Variants in GK5 observed in about 807,000 individuals in gnomAD.
GK5 encodes the protein ATP:glycerol 3-phosphotransferase 5.
In GK5, 39 loss-of-function variants were observed where a neutral mutation model predicts 77.3. That is an observed-to-expected ratio of 0.50 (90% confidence interval 0.39 to 0.66). The LOEUF (loss-of-function observed/expected upper bound fraction) is 0.66, where lower values mean the gene tolerates loss of function less well. GK5 is among the 30% of genes least tolerant of loss of function. GK5 has a pLI of 0.00. For missense variants in GK5, 487 were observed against 633.8 expected, an observed-to-expected ratio of 0.77 and a Z score of 2.49; for synonymous variants, 211 against 208.0, an observed-to-expected ratio of 1.01 and a Z score of -0.13.
chr3:142,195,552 A>C (rs1307532092), intron 5 of GK5, among the ~76,000 whole-genome samples: 5 of 152,004 alleles, frequency 3.3e-5, no homozygotes, highest in Non-Finnish European at 7.4e-5. Flanking sequence ...GTGTCTTGCT[A>C]TATTGCCCAG....
intron 9 of GK5, 43 bp downstream of exon 9, chr3:142,185,886 A>G (rs1473401451): frequency 2.6e-6 from 4 of 1,559,348 alleles, no homozygotes; most frequent in Non-Finnish European, 3.5e-6. Flanking sequence ...ATATTACTTT[A>G]GTTTATACTA....
intron 3 of GK5, among the ~76,000 whole-genome samples, chr3:142,209,745 A>G (rs546719011): frequency 1.7e-4 from 26 of 152,324 alleles, no homozygotes; most frequent in South Asian, 1.2e-3. Context: ...GAGATTGTAA[A>G]TTAGGGCTGG....
At chr3:142,191,853 C>T (rs959095901) in intron 5 of GK5, among the ~76,000 whole-genome samples, 7 of 151,768 alleles carry the variant, frequency 4.6e-5, no homozygotes, top group Non-Finnish European at 7.4e-5. Context: ...AAACATTAGC[C>T]GGGCATGGTG....
chr3:142,173,721 T>A (rs2063571624), intron 12 of GK5, among the ~76,000 whole-genome samples: 1 of 141,336 alleles, frequency 7.1e-6, no homozygotes, highest in Admixed American at 7.0e-5. Context: ...ACAAAAAACA[T>A]GAAAAACAAA....
intron 14 of GK5, 77 bp from the exon 15 acceptor site, chr3:142,170,535 CT>C (rs1342156320): frequency 6.9e-5 from 85 of 1,224,250 alleles, no homozygotes; most frequent in Non-Finnish European, 8.8e-5. Flanking sequence ...CATTTTTTTC[CT>C]GAAATCCTTG....
At chr3:142,214,845 A>G (rs1199321716) in intron 2 of GK5, among the ~76,000 whole-genome samples, 2 of 152,176 alleles carry the variant, frequency 1.3e-5, no homozygotes, top group Non-Finnish European at 2.9e-5. Context: ...AGGAGAAAAT[A>G]CTCCTTTCCT....
chr3:142,225,384 C>A lies in GK5; in HGVS notation c.72G>T (p.Leu24=). Residue 24 remains leucine (L), a synonymous_variant, in exon 1 of 16, where the codon CTG becomes CTT. Transcript: ENST00000392993. ...AGCGGATCACAGAACTGCCCACATCCAGCCCCAGCACGAAGCCGGGGTACC... is the reference window on the plus strand; with the variant it reads ...AGCGGATCACAGAACTGCCCACATCAAGCCCCAGCACGAAGCCGGGGTACC... ...EPRYPGFVLG[L]DVGSSVIRCH... The A allele has an allele frequency of 6.3e-7, 1 of 1,595,360 alleles. No individual in the cohort carries two copies.
chr3:142,215,378 G>A (rs974198718), intron 2 of GK5, among the ~76,000 whole-genome samples: 7 of 152,078 alleles, frequency 4.6e-5, no homozygotes, highest in Non-Finnish European at 7.4e-5. Flanking sequence ...TATTACAGTC[G>A]AAAAGAGACA....
At chr3:142,170,497 A>G (rs1385946674) in intron 14 of GK5, 39 bp from the exon 15 acceptor site, 1 of 1,538,310 alleles carries the variant, frequency 6.5e-7, no homozygotes, top group Non-Finnish European at 8.8e-7. Context: ...TTACTACAAC[A>G]AAAGTATCAT....
At chr3:142,199,827 T>C (rs2063990837) in intron 4 of GK5, among the ~76,000 whole-genome samples, 1 of 151,640 alleles carries the variant, frequency 6.6e-6, no homozygotes, top group Non-Finnish European at 1.5e-5. Context: ...ACACTTCAAC[T>C]TGTAAAACTG....
intron 1 of GK5, among the ~76,000 whole-genome samples, chr3:142,217,707 C>T (rs2064291431): frequency 6.6e-6 from 1 of 152,122 alleles, no homozygotes; most frequent in African/African-American, 2.4e-5. Context: ...ATTACACACC[C>T]AGATATCATA....
rs200802153 is a variant in GK5 at position 142,215,660 on chromosome 3, T to G, written c.180A>C (p.Val60=). The part of the protein sequence containing the change: ...VENLYPQIGW[V]EIDPDVLWIQ... ...TCCAAAGAACATCAGGATCAATTTC[T>G]ACCCAGCCAATTTGAGGATAAAGAT... Residue 60 remains valine, a synonymous_variant, in exon 2 of 16, where the codon GTA becomes GTC. Coordinates refer to ENST00000392993, the MANE Select transcript of GK5 (RefSeq NM_001039547.3). 6.3e-7 allele frequency: 1 copy of G among 1,596,796 alleles called. No homozygotes were observed.
intron 15 of GK5, among the ~76,000 whole-genome samples, chr3:142,169,091 G>C (rs954881953): frequency 2.0e-5 from 3 of 152,182 alleles, no homozygotes; most frequent in African/African-American, 7.2e-5. Context: ...CTCCCACCAG[G>C]AATCAGAGAC....
Position 142,182,924 on chromosome 3 carries a change from T to G in GK5, c.942A>C (p.Gly314=). 1 of 1,602,624 alleles carries G rather than the reference T, an allele frequency of 6.2e-7. No individual in the cohort carries two copies. Among genetic ancestry groups the G allele is most frequent in the Non-Finnish European group, 8.5e-7 (1 of 1,169,648 alleles). ...ATAGGATAAATCCTAACTACTTACC[T>G]CCAGTAGTCTGTTGAAGGCTATTTC... ...NTGNSLQQTT[G]GFYPLIGWKI... The change falls in exon 10 of 16, where the codon GGA becomes GGC. Residue 314 remains glycine, a splice_region_variant and synonymous_variant. Transcript: ENST00000392993.
intron 10 of GK5, 149 bp downstream of exon 10, chr3:142,182,774 G>A: frequency 1.9e-6 from 1 of 538,652 alleles, no homozygotes; most frequent in Non-Finnish European, 3.1e-6. Context: ...AAAGGGAAAA[G>A]AAAGGGAAAT....
chr3:142,171,676 C>T (rs2063541925), intron 13 of GK5, among the ~76,000 whole-genome samples, 198 bp from the exon 14 acceptor site: 3 of 151,972 alleles, frequency 2.0e-5, no homozygotes, highest in African/African-American at 4.8e-5. Context: ...AAGCGCAGGT[C>T]CTTGTGTTTT....
At chr3:142,181,733 A>C (rs554486370) in intron 10 of GK5, among the ~76,000 whole-genome samples, 168 bp from the exon 11 acceptor site, 2 of 152,236 alleles carry the variant, frequency 1.3e-5, no homozygotes, top group Non-Finnish European at 2.9e-5. Context: ...TAGTCTTGCA[A>C]GTTTCTAACC....
intron 1 of GK5, among the ~76,000 whole-genome samples, chr3:142,221,523 A>ATTTTT (rs890042099): frequency 6.6e-6 from 1 of 151,766 alleles, no homozygotes; most frequent in African/African-American, 2.4e-5. Flanking sequence ...ATAAAAGTTA[A>ATTTTT]TTTTTTTTTA....
rs898580026 is a variant in GK5 at position 142,163,986 on chromosome 3, A to G, written c.*1636T>C. On this transcript the variant is annotated 3_prime_UTR_variant, in exon 16 of 16. Coordinates refer to ENST00000392993, the MANE Select transcript of GK5 (RefSeq NM_001039547.3). ...TGTAAACAGGGGAAAGAATGAAAAG[A>G]ATAAGATTTATCTACATAATGAAGT... 1.3e-5 allele frequency: 2 copies of G among 152,214 alleles called. No individual in the cohort carries two copies. The highest frequency in any genetic ancestry group is 1.3e-4 in the Admixed American group (2 of 15,274). 9.4% of individuals were successfully genotyped at this position (152,214 alleles called of 1,614,324 possible).
Sources: allele counts gnomAD v4.1 joint callset (sites outside exome capture counted in the v4.1 genomes callset), GRCh38; gene constraint gnomAD v4.1.1; transcripts MANE v1.5; gene names NCBI Gene and HGNC (gene_info 2026-07-23, HGNC 2026-07-21).